The following DLGAP2 variants were observed in gnomAD, a reference collection of about 807,000 sequenced individuals.
DLGAP2 encodes the protein disks large-associated protein 2.
Under a neutral mutation model 100.3 loss-of-function variants are expected in DLGAP2, and 26 were observed. The ratio of observed to expected loss-of-function variants is 0.26; its 90% CI spans 0.19 to 0.36. The LOEUF (loss-of-function observed/expected upper bound fraction) is 0.36, where lower values mean the gene tolerates loss of function less well. Ranked by LOEUF, DLGAP2 falls within the 10% of genes least tolerant of loss-of-function variation. The pLI is 1.00. For synonymous variants in DLGAP2, 886 were observed against 630.1 expected (o/e 1.41, Z -6.08); for missense variants, 1,858 against 1,453.2 (o/e 1.28, Z -4.53).
chr8:1,092,035 C>T (rs1243090853), intron 2 of DLGAP2, among the ~76,000 whole-genome samples: 2 of 152,144 alleles, frequency 1.3e-5, no homozygotes, highest in African/African-American at 2.4e-5. Context: ...CAGAGAGCAG[C>T]GTGTTTGAAC....
chr8:956,229 A>G (rs999865895), intron 2 of DLGAP2, among the ~76,000 whole-genome samples: 3 of 152,168 alleles, frequency 2.0e-5, no homozygotes, highest in Non-Finnish European at 4.4e-5. Flanking sequence ...GTGATATTGG[A>G]AACTTTTCCA....
chr8:1,099,914 C>T (rs907772233), intron 2 of DLGAP2, among the ~76,000 whole-genome samples: 2 of 152,200 alleles, frequency 1.3e-5, no homozygotes, highest in Non-Finnish European at 2.9e-5. Flanking sequence ...AAAGCTCTTA[C>T]AGTAGGCCCC....
At chr8:1,123,833 C>G (rs1380527249) in intron 2 of DLGAP2, among the ~76,000 whole-genome samples, 2 of 152,050 alleles carry the variant, frequency 1.3e-5, no homozygotes, top group African/African-American at 4.8e-5. Context: ...AAGGATTAAC[C>G]TCACCTTTTC....
At chr8:774,443 C>G (rs1365472109) in intron 1 of DLGAP2, among the ~76,000 whole-genome samples, 3 of 152,138 alleles carry the variant, frequency 2.0e-5, no homozygotes, top group Admixed American at 2.0e-4. Flanking sequence ...TCCTGAATGG[C>G]AATGCCTAGG....
intron 1 of DLGAP2, among the ~76,000 whole-genome samples, chr8:800,676 GT>G (rs777395136): frequency 1.2e-4 from 18 of 152,110 alleles, no homozygotes; most frequent in Non-Finnish European, 2.1e-4. Flanking sequence ...GTGTGTACAT[GT>G]ATGTGTATGT....
chr8:1,314,068 C>G (rs1424704617), intron 3 of DLGAP2, among the ~76,000 whole-genome samples: 1 of 152,186 alleles, frequency 6.6e-6, no homozygotes, highest in Non-Finnish European at 1.5e-5. Flanking sequence ...CAGTTATCCA[C>G]TGTAAATGAG....
At chr8:1,518,354 G>A (rs776714171) in intron 4 of DLGAP2, among the ~76,000 whole-genome samples, 2 of 152,154 alleles carry the variant, frequency 1.3e-5, no homozygotes, top group Non-Finnish European at 2.9e-5. Flanking sequence ...TCTTCAGATT[G>A]TCGGTTCTGT....
At chr8:1,193,687 G>A (rs1797688495) in intron 2 of DLGAP2, among the ~76,000 whole-genome samples, 1 of 152,126 alleles carries the variant, frequency 6.6e-6, no homozygotes, top group Admixed American at 6.5e-5. Context: ...AGCCACCTGA[G>A]TCTCGCGTGG....
chr8:988,806 C>G (rs1800563356), intron 2 of DLGAP2, among the ~76,000 whole-genome samples: 1 of 152,276 alleles, frequency 6.6e-6, no homozygotes, highest in South Asian at 2.1e-4. Context: ...CTCTCCTGAC[C>G]AATCCTGCTT....
chr8:1,284,292 A>G (rs1483563352), intron 3 of DLGAP2, among the ~76,000 whole-genome samples: 2 of 152,130 alleles, frequency 1.3e-5, no homozygotes, highest in African/African-American at 4.8e-5. Flanking sequence ...TGTGCTGAAG[A>G]TGATGGAAGG....
At chr8:1,691,410 C>A in intron 12 of DLGAP2, 125 bp from the exon 13 acceptor site, 2 of 758,784 alleles carry the variant, frequency 2.6e-6, no homozygotes, top group Non-Finnish European at 4.3e-6. Context: ...ACACGCTCGG[C>A]ACGATGAAGT....
At chr8:1,329,688 T>G (rs1202350089) in intron 3 of DLGAP2, among the ~76,000 whole-genome samples, 2 of 152,058 alleles carry the variant, frequency 1.3e-5, no homozygotes, top group East Asian at 3.9e-4. Context: ...TGGGGGTGAA[T>G]GAAGATGAGC....
At chr8:1,261,921 G>A (rs973932063) in intron 3 of DLGAP2, among the ~76,000 whole-genome samples, 1 of 152,210 alleles carries the variant, frequency 6.6e-6, no homozygotes, top group Non-Finnish European at 1.5e-5. Context: ...GCTGGTGGCA[G>A]CGTGTGCGGC....
intron 2 of DLGAP2, among the ~76,000 whole-genome samples, chr8:1,227,836 G>T (rs1681608398): frequency 6.6e-6 from 1 of 152,098 alleles, no homozygotes; most frequent in South Asian, 2.1e-4. Flanking sequence ...TACAACAGGA[G>T]AATTATAGCT....
At chr8:1,030,018 G>C (rs1379740579) in intron 2 of DLGAP2, among the ~76,000 whole-genome samples, 1 of 152,168 alleles carries the variant, frequency 6.6e-6, no homozygotes, top group African/African-American at 2.4e-5. Flanking sequence ...CAGGGGAGGA[G>C]CCATGGAATA....
intron 3 of DLGAP2, among the ~76,000 whole-genome samples, chr8:1,422,364 C>G (rs765758520): frequency 6.6e-6 from 1 of 152,038 alleles, no homozygotes; most frequent in Non-Finnish European, 1.5e-5. Flanking sequence ...CCACTGCAAG[C>G]GAAGTTACAC....
At chr8:1,677,020 CT>C (rs1162553972) in intron 11 of DLGAP2, among the ~76,000 whole-genome samples, 1 of 152,186 alleles carries the variant, frequency 6.6e-6, no homozygotes, top group Non-Finnish European at 1.5e-5. Context: ...AATTGTTTCA[CT>C]TCAAAAATAT....
At chr8:1,504,915 C>T (rs947365661) in intron 4 of DLGAP2, among the ~76,000 whole-genome samples, 3 of 152,084 alleles carry the variant, frequency 2.0e-5, no homozygotes, top group African/African-American at 7.2e-5. Context: ...TGGATTATTC[C>T]TTTATCATTC....
At chr8:873,474 G>T (rs28812830) in intron 1 of DLGAP2, among the ~76,000 whole-genome samples, 47,604 of 151,938 alleles carry the variant, frequency 0.31, 7,727 homozygotes, top group Non-Finnish European at 0.34. Context: ...TTTCATAGAT[G>T]CCTTTTATTA....
Sources: gnomAD v4.1 joint callset for allele counts (sites outside exome capture counted in the v4.1 genomes callset) on GRCh38, gnomAD v4.1.1 for gene constraint, MANE v1.5 for transcripts, NCBI Gene and HGNC (gene_info 2026-07-23, HGNC 2026-07-21) for gene names.